ZNRF3: variants seen among roughly 807,000 people sequenced by gnomAD.
ZNRF3 encodes the protein zinc and ring finger 3, also known as E3 ubiquitin-protein ligase ZNRF3.
In ZNRF3, 23 loss-of-function variants were observed where a neutral mutation model predicts 72.5. The ratio of observed to expected loss-of-function variants is 0.32; its 90% confidence interval spans 0.23 to 0.45. The LOEUF (loss-of-function observed/expected upper bound fraction) is 0.45, where lower values mean the gene tolerates loss of function less well. Among genes scored for constraint, ZNRF3 ranks in the 20% least tolerant of loss-of-function variants. The probability of loss-of-function intolerance (pLI) is 1.00; values close to 1 mark genes in which losing one functional copy is unlikely to be tolerated. For missense variants in ZNRF3, 1,169 were observed against 1,272.1 expected, an observed-to-expected ratio of 0.92 and a Z score of 1.23; for synonymous variants, 610 against 545.3, an observed-to-expected ratio of 1.12 and a Z score of -1.65.
chr22:28,916,011 G>A (rs2034401494), intron 1 of ZNRF3, among the ~76,000 whole-genome samples: 1 of 152,042 alleles, frequency 6.6e-6, no homozygotes, highest in Non-Finnish European at 1.5e-5. Flanking sequence ...AGTTGGGAGG[G>A]TTATTTCAAA....
intron 1 of ZNRF3, among the ~76,000 whole-genome samples, chr22:28,949,638 TAGTGA>T (rs1173504965): frequency 6.6e-6 from 1 of 152,242 alleles, no homozygotes; most frequent in Non-Finnish European, 1.5e-5. Flanking sequence ...GTCAGACTCA[TAGTGA>T]TAGGTACACA....
Position 28,884,072 on chromosome 22 carries a change from T to C in ZNRF3, c.300+6T>C. 4.3e-6 allele frequency: 5 copies of C among 1,149,712 alleles called. No individual in the cohort carries two copies. The highest frequency in any genetic ancestry group is 1.7e-5 in the South Asian group (1 of 58,102). The allele number at this position is 1,149,712 out of a possible 1,614,324, so 71.2% of individuals were successfully genotyped here. A position where few individuals can be genotyped will look rare whatever the true frequency, so the allele number is the denominator to read the frequency against. ...CCGAGGGCGAGATCGTGCAGGTAGC[T>C]GCCCGCCGCCCGGGCCCCGCGCCGC... On this transcript the variant is annotated splice_donor_region_variant and intron_variant, in intron 1 of 8. Coordinates refer to ENST00000544604, the MANE Select transcript of ZNRF3 (RefSeq NM_001206998.2).
At chr22:28,953,228 A>G (rs536010334) in intron 1 of ZNRF3, among the ~76,000 whole-genome samples, 1 of 152,290 alleles carries the variant, frequency 6.6e-6, no homozygotes, top group East Asian at 1.9e-4. Flanking sequence ...TCTTGGGTGC[A>G]TTAATATGGA....
chr22:29,035,881 T>C (rs978203763), intron 2 of ZNRF3, among the ~76,000 whole-genome samples: 1 of 152,062 alleles, frequency 6.6e-6, no homozygotes, highest in Non-Finnish European at 1.5e-5. Flanking sequence ...CGCCCGGCCT[T>C]AAACGATTTT....
intron 2 of ZNRF3, among the ~76,000 whole-genome samples, chr22:28,999,363 C>G (rs1299625927): frequency 2.0e-5 from 3 of 151,734 alleles, no homozygotes; most frequent in Non-Finnish European, 4.4e-5. Context: ...AAAAAATTAG[C>G]TGGGCATGGT....
At chr22:29,013,013 G>A (rs2036371657) in intron 2 of ZNRF3, among the ~76,000 whole-genome samples, 1 of 152,300 alleles carries the variant, frequency 6.6e-6, no homozygotes, top group Admixed American at 6.5e-5. Flanking sequence ...GATGGTAGTT[G>A]ATACAGTTCT....
chr22:28,891,042 C>A (rs1020437280), intron 1 of ZNRF3, among the ~76,000 whole-genome samples: 1 of 152,204 alleles, frequency 6.6e-6, no homozygotes, highest in African/African-American at 2.4e-5. Context: ...CAGGTGAGAG[C>A]CACCATATCT....
Position 29,031,674 on chromosome 22 carries a change from G to T in ZNRF3, c.427-10821G>T, listed in dbSNP as rs1357904001. On this transcript the variant is annotated intron_variant, in intron 2 of 8. Coordinates refer to ENST00000544604, the MANE Select transcript of ZNRF3 (RefSeq NM_001206998.2). ...ACTTAGTGGCCTCCAGAGGGAGGGGGATAACAGGACTCAAAGAGCCTGGGC... is the reference window on the plus strand; with the variant it reads ...ACTTAGTGGCCTCCAGAGGGAGGGGTATAACAGGACTCAAAGAGCCTGGGC... The T allele has an allele frequency of 6.2e-6, 6 of 974,122 alleles. No individual in the cohort carries two copies. The African/African-American group carries it at 7.0e-5, about 11-fold the overall frequency. The allele number at this position is 974,122 out of a possible 1,614,324, so 60.3% of individuals were successfully genotyped here.
At chr22:28,943,207 G>T (rs1276249912) in intron 1 of ZNRF3, among the ~76,000 whole-genome samples, 1 of 151,924 alleles carries the variant, frequency 6.6e-6, no homozygotes, top group Non-Finnish European at 1.5e-5. Flanking sequence ...CTCCCCCGGG[G>T]GTCCTCCCCC....
At chr22:29,047,903 C>T (rs2037104484) in intron 6 of ZNRF3, among the ~76,000 whole-genome samples, 1 of 152,192 alleles carries the variant, frequency 6.6e-6, no homozygotes, top group African/African-American at 2.4e-5. Flanking sequence ...GATAGCAGAG[C>T]TTTACCCCTT....
At chr22:28,983,569 T>C (rs8140640) in intron 1 of ZNRF3, among the ~76,000 whole-genome samples, 10,025 of 152,246 alleles carry the variant, frequency 0.066, 581 homozygotes, top group East Asian at 0.15. Context: ...TCCCAAGCCT[T>C]GTCTTTTCTC....
intron 1 of ZNRF3, among the ~76,000 whole-genome samples, chr22:28,946,816 A>G (rs958284901): frequency 2.6e-5 from 4 of 152,160 alleles, no homozygotes; most frequent in African/African-American, 7.2e-5. Flanking sequence ...TGAAAGATCT[A>G]TGGTCTCTGT....
rs943507617 is a variant in ZNRF3 at position 29,007,752 on chromosome 22, C to CTTTTTTTTTTTTTTTTTTT, written c.426+20555_426+20573dup. On this transcript the variant is annotated intron_variant, in intron 2 of 8. Coordinates refer to ENST00000544604, the MANE Select transcript of ZNRF3 (RefSeq NM_001206998.2). Reference sequence around the variant, plus strand: ...CCTTTCATAGAAATTCCATTTCTTCCTTTTTTTTTTTTTTTTTTTTTTGAG... The same window carrying CTTTTTTTTTTTTTTTTTTT: ...CCTTTCATAGAAATTCCATTTCTTCCTTTTTTTTTTTTTTTTTTTTTTTTTTTTTTTTTTTTTTTTTGAG... Among the ~76,000 whole-genome samples the CTTTTTTTTTTTTTTTTTTT allele has an allele frequency of 2.1e-4, 9 of 43,676 alleles. 4 individuals are homozygous for CTTTTTTTTTTTTTTTTTTT. The highest frequency in any genetic ancestry group is 5.3e-5 in the Non-Finnish European group (1 of 19,044). The allele number at this position is 43,676 out of a possible 152,430, so 28.7% of individuals were successfully genotyped here.
At chr22:29,039,935 CAG>C (rs1488874998) in intron 2 of ZNRF3, among the ~76,000 whole-genome samples, 1 of 152,116 alleles carries the variant, frequency 6.6e-6, no homozygotes, top group East Asian at 1.9e-4. Context: ...GCCCAGGTGA[CAG>C]AGTGAAAGCC....
chr22:28,933,155 T>G (rs1368965894), intron 1 of ZNRF3, among the ~76,000 whole-genome samples: 1 of 152,228 alleles, frequency 6.6e-6, no homozygotes, highest in Admixed American at 6.5e-5. Context: ...TCTAAACTCA[T>G]GAACTAACGC....
rs532922858 is a variant in ZNRF3, at chr22:29,019,893, C to T, written c.427-22602C>T. Among the ~76,000 whole-genome samples the T allele has an allele frequency of 5.9e-5, 9 of 152,234 alleles. No homozygotes were observed. In the South Asian group the frequency reaches 1.7e-3, roughly 28 times the overall value. On this transcript the variant is annotated intron_variant, in intron 2 of 8. Coordinates refer to ENST00000544604, the MANE Select transcript of ZNRF3 (RefSeq NM_001206998.2). The stretch of plus-strand genomic sequence containing the variant: ...ATTTCCCTCAGGCCACTGGGCTCCC[C>T]TGACTGTAGGCAGCATTAGCAAGTA...
chr22:29,046,615 G>A (rs769307225), intron 5 of ZNRF3, 101 bp from the exon 6 acceptor site: 353 of 1,291,554 alleles, frequency 2.7e-4, no homozygotes, highest in Non-Finnish European at 3.4e-4. Flanking sequence ...GCATGATAGA[G>A]AATTGTCTGC....
At chr22:28,919,047 C>G (rs544152197) in intron 1 of ZNRF3, among the ~76,000 whole-genome samples, 2 of 152,284 alleles carry the variant, frequency 1.3e-5, no homozygotes, top group African/African-American at 2.4e-5. Flanking sequence ...TGAGACGGAA[C>G]AAAGCTTGAA....
rs369191356 is a variant in ZNRF3 at position 29,019,242 on chromosome 22, C to T, written c.427-23253C>T. ...CAACTCATGTGGCCAAGCCCAAATT[C>T]AAGGGGTGGAAAAATAAGCTCAATT... On this transcript the variant is annotated intron_variant, in intron 2 of 8. Transcript: ENST00000544604. Among the ~76,000 whole-genome samples, 84 of 152,158 alleles carry T rather than the reference C, an allele frequency of 5.5e-4. 1 individual carries two copies. The South Asian group carries it at 0.017, about 31-fold the overall frequency.
Sources: allele counts gnomAD v4.1 joint callset (sites outside exome capture counted in the v4.1 genomes callset), GRCh38; gene constraint gnomAD v4.1.1; transcripts MANE v1.5; gene names NCBI Gene and HGNC (gene_info 2026-07-23, HGNC 2026-07-21).